DCAF17: variants seen among roughly 807,000 people sequenced by gnomAD.
DCAF17 encodes DDB1- and CUL4-associated factor 17.
A neutral mutation model predicts 66.0 loss-of-function variants in DCAF17; 48 were observed. The observed-to-expected ratio is 0.73, with a 90% CI of 0.58 to 0.92. DCAF17 has a LOEUF of 0.92. Among genes scored for constraint, DCAF17 ranks in the 40% least tolerant of loss-of-function variants. The probability of loss-of-function intolerance (pLI) is 0.00; values close to 1 mark genes in which losing one functional copy is unlikely to be tolerated. For missense variants in DCAF17, 562 were observed against 622.8 expected (o/e 0.90, Z 1.04); for synonymous variants, 206 against 214.6 (o/e 0.96, Z 0.35).
chr2:171,435,040 C>A, intron 1 of DCAF17, 43 bp from the exon 2 acceptor site: 1 of 1,429,508 alleles, frequency 7.0e-7, no homozygotes, highest in Non-Finnish European at 9.8e-7. Flanking sequence ...TAACTTAAAG[C>A]CTAAGAGTTC....
At position 171,434,392 on chromosome 2, in the gene DCAF17, A is replaced by T; in HGVS notation, c.-186A>T. The stretch of plus-strand genomic sequence containing the variant: ...CTTCTCTCCGCGCTCTGGCGGTGCA[A>T]GCGGCTCTGCTTTCCCTCGCCCCGC... On this transcript the variant is annotated 5_prime_UTR_variant, in exon 1 of 14. In the 5' UTR this introduces an upstream ATG that the reference lacks. Transcript: ENST00000375255. The T allele has an allele frequency of 1.0e-6, 1 of 996,858 alleles. No homozygotes were observed. The allele number at this position is 996,858 out of a possible 1,614,324, so 61.8% of individuals were successfully genotyped here. A position where few individuals can be genotyped will look rare whatever the true frequency, so the allele number is the denominator to read the frequency against.
At chr2:171,466,911 A>G (rs1053116436) in intron 8 of DCAF17, among the ~76,000 whole-genome samples, 1 of 151,672 alleles carries the variant, frequency 6.6e-6, no homozygotes, top group African/African-American at 2.4e-5. Context: ...ATCACATACA[A>G]TGTGTGTATT....
intron 10 of DCAF17, 112 bp from the exon 11 acceptor site, chr2:171,476,748 C>A (rs865833020): frequency 4.1e-6 from 3 of 733,274 alleles, no homozygotes; most frequent in Middle Eastern, 3.3e-4. Context: ...AAGAGAACTA[C>A]CTCAGTGTTA....
At chr2:171,460,065 CTG>C (rs1289805070) in intron 8 of DCAF17, among the ~76,000 whole-genome samples, 1 of 152,118 alleles carries the variant, frequency 6.6e-6, no homozygotes, top group Non-Finnish European at 1.5e-5. Context: ...TGGCTCAAGA[CTG>C]TAATTCCAGC....
In DCAF17 at chr2:171,482,753, C is replaced by G; in HGVS notation, c.*1639C>G. On this transcript the variant is annotated 3_prime_UTR_variant, in exon 14 of 14. Coordinates refer to ENST00000375255, the MANE Select transcript of DCAF17 (RefSeq NM_025000.4). ...TATGAAATGATAGTAAGGAACTCGT[C>G]TATTCTGAAAGGCATTTGAGAAATA... is the stretch of plus-strand genomic sequence containing the variant. The G allele has an allele frequency of 4.4e-6, 2 of 453,344 alleles. No homozygotes were observed. Among genetic ancestry groups the G allele is most frequent in the Non-Finnish European group, 8.8e-6 (2 of 226,592 alleles). The allele number at this position is 453,344 out of a possible 1,614,324, so 28.1% of individuals were successfully genotyped here. A position where few individuals can be genotyped will look rare whatever the true frequency, so the allele number is the denominator to read the frequency against.
Position 171,448,727 on chromosome 2 carries a change from C to T in DCAF17, c.368C>T (p.Ala123Val), listed in dbSNP as rs763285402. ...TCAGATTATAAGTCCTCACTCATAG[C>T]ACTGACTGCTCATAATTGGCTACTT... ...NSSDYKSSLI[A>V]LTAHNWLLRI... Residue 123 changes from alanine to valine, a missense_variant, in exon 4 of 14, where the codon GCA becomes GTA. Ala to Val is a moderately conservative substitution (Grantham distance 64, BLOSUM62 0). Around this residue, in one of 3 missense-constraint regions of DCAF17, gnomAD observed 348 missense variants for 355.9 expected, o/e 0.98. Coordinates refer to ENST00000375255, the MANE Select transcript of DCAF17 (RefSeq NM_025000.4). 1.2e-6 allele frequency: 2 copies of T among 1,613,120 alleles called. No homozygotes were observed. Among genetic ancestry groups the T allele is most frequent in the Admixed American group, 1.7e-5 (1 of 59,992 alleles).
chr2:171,468,038 A>G (rs1468709478), intron 8 of DCAF17, among the ~76,000 whole-genome samples: 1 of 152,176 alleles, frequency 6.6e-6, no homozygotes, highest in Non-Finnish European at 1.5e-5. Flanking sequence ...CACCTGCCCA[A>G]ACAGACCATG....
chr2:171,480,888 C>A, intron 13 of DCAF17, 86 bp from the exon 14 acceptor site: 1 of 1,533,564 alleles, frequency 6.5e-7, no homozygotes, highest in Non-Finnish European at 9.0e-7. Flanking sequence ...TTGAAGATCC[C>A]TAGCATAGGT....
Position 171,484,120 on chromosome 2 carries a change from C to T in DCAF17, c.*3006C>T. On this transcript the variant is annotated 3_prime_UTR_variant, in exon 14 of 14. Coordinates refer to ENST00000375255, the MANE Select transcript of DCAF17 (RefSeq NM_025000.4). ...TAGCAGTCATTAAAAGGTACTTTCC[C>T]TTTGTTTGTGGTGATAATCAGTATT... The T allele has an allele frequency of 2.2e-6, 1 of 453,094 alleles. No individual in the cohort carries two copies. Among genetic ancestry groups the T allele is most frequent in the Non-Finnish European group, 4.4e-6 (1 of 226,526 alleles). 28.1% of individuals were successfully genotyped at this position (453,094 alleles called of 1,614,324 possible).
intron 7 of DCAF17, 62 bp downstream of exon 7, chr2:171,458,137 T>TC: frequency 6.8e-7 from 1 of 1,469,758 alleles, no homozygotes; most frequent in Non-Finnish European, 9.5e-7. Context: ...AAGTATGATT[T>TC]TTTTTTTTAG....
At chr2:171,454,941 C>CT (rs1559270626) in intron 6 of DCAF17, among the ~76,000 whole-genome samples, 1 of 148,738 alleles carries the variant, frequency 6.7e-6, no homozygotes, top group Non-Finnish European at 1.5e-5. Flanking sequence ...CTTTTTCTTT[C>CT]TTTTTTTAAA....
intron 8 of DCAF17, 64 bp downstream of exon 8, chr2:171,458,541 A>C: frequency 8.3e-7 from 1 of 1,207,272 alleles, no homozygotes; most frequent in Non-Finnish European, 1.2e-6. Context: ...AATAGTTATT[A>C]ATTATAGTCA....
In DCAF17 at chr2:171,434,497, G is replaced by A. The variant is rs761324965; in HGVS notation, c.-81G>A. The A allele has an allele frequency of 2.1e-5, 32 of 1,522,064 alleles. No homozygotes were observed. The South Asian group carries it at 3.7e-4, about 18-fold the overall frequency. 94.3% of individuals were successfully genotyped at this position (1,522,064 alleles called of 1,614,324 possible). On this transcript the variant is annotated 5_prime_UTR_variant, in exon 1 of 14. Coordinates refer to ENST00000375255, the MANE Select transcript of DCAF17 (RefSeq NM_025000.4). ...GAAAGTCTGGGCCTCGAAATTCGAAGGCAGCGGCGGCTGCCCAGCACGGGA... is the reference window on the plus strand; with the variant it reads ...GAAAGTCTGGGCCTCGAAATTCGAAAGCAGCGGCGGCTGCCCAGCACGGGA...
chr2:171,477,460 T>TC (rs150947926), intron 11 of DCAF17, among the ~76,000 whole-genome samples: 159 of 152,112 alleles, frequency 1.0e-3, no homozygotes, highest in Non-Finnish European at 1.8e-3. Context: ...ATAATTTTTT[T>TC]TTTGCCCATT....
Position 171,481,096 on chromosome 2 carries a change from C to A in DCAF17, c.1545C>A (p.Thr515=). 6.2e-7 allele frequency: 1 copy of A among 1,613,654 alleles called. No individual in the cohort carries two copies. The highest frequency in any genetic ancestry group is 8.5e-7 in the Non-Finnish European group (1 of 1,179,630). ...MICDTGEEEE[T]INRSC ...GTGACACTGGGGAAGAAGAAGAAAC[C>A]ATAAACAGAAGCTGTTAAAAAGAGT... Residue 515 remains threonine (T), a synonymous_variant, in exon 14 of 14, where the codon ACC becomes ACA. Transcript: ENST00000375255.
chr2:171,439,458 C>T (rs776187710), intron 2 of DCAF17, among the ~76,000 whole-genome samples: 1 of 149,362 alleles, frequency 6.7e-6, no homozygotes, highest in African/African-American at 2.5e-5. Flanking sequence ...CTGTTAAAGG[C>T]GTTCTTCATT....
rs972785459 is a variant in DCAF17 at position 171,484,061 on chromosome 2, A to T, written c.*2947A>T. On this transcript the variant is annotated 3_prime_UTR_variant, in exon 14 of 14. Coordinates refer to ENST00000375255, the MANE Select transcript of DCAF17 (RefSeq NM_025000.4). ...TTGGGTAAGATACAAGTCACACATA[A>T]ATTGACAGAAAATGTAGTTCTTCAT... The T allele has an allele frequency of 1.5e-5, 7 of 454,016 alleles. No individual in the cohort carries two copies. The highest frequency in any genetic ancestry group is 1.1e-4 in the South Asian group (7 of 64,432). 28.1% of individuals were successfully genotyped at this position (454,016 alleles called of 1,614,324 possible).
intron 5 of DCAF17, 77 bp from the exon 6 acceptor site, chr2:171,453,047 A>G: frequency 7.8e-6 from 8 of 1,025,590 alleles, no homozygotes; most frequent in Non-Finnish European, 1.2e-5. Context: ...GAACAGATGG[A>G]TTTTTTCAAC....
In DCAF17 at chr2:171,478,005, G is replaced by C. The variant is rs756356358; in HGVS notation, c.1201G>C (p.Val401Leu). ...ATGATAGAATGAAAATGTACTCACT[G>C]TTACAGCTTCTGGACGGGTGGTAAA... is the stretch of plus-strand genomic sequence containing the variant. ...ENHKNENVLT[V>L]TASGRVVKKS... is the part of the protein sequence containing the mutation. Residue 401 changes from valine (V) to leucine (L), a missense_variant, in exon 12 of 14, where the codon GTT (valine) becomes CTT (leucine). This residue lies in a region of DCAF17 where 201 missense variants were observed against 231.1 expected (regional missense o/e 0.87). Coordinates refer to ENST00000375255, the MANE Select transcript of DCAF17 (RefSeq NM_025000.4). The C allele has an allele frequency of 6.2e-7, 1 of 1,613,678 alleles. No individual in the cohort carries two copies. Among genetic ancestry groups the C allele is most frequent in the Non-Finnish European group, 8.5e-7 (1 of 1,179,660 alleles).
Sources: gnomAD v4.1 joint callset for allele counts (sites outside exome capture counted in the v4.1 genomes callset) on GRCh38, gnomAD v4.1.1 for gene constraint, gnomAD v4.1.1 regional missense constraint, MANE v1.5 for transcripts, NCBI Gene and HGNC (gene_info 2026-07-23, HGNC 2026-07-21) for gene names.